NBAS: variants seen among roughly 807,000 people sequenced by gnomAD.
NBAS encodes the protein NBAS subunit of NRZ tethering complex.
Under a neutral mutation model 302.5 loss-of-function variants are expected in NBAS, and 219 were observed. The ratio of observed to expected loss-of-function variants is 0.72; its 90% confidence interval spans 0.65 to 0.81. The LOEUF (loss-of-function observed/expected upper bound fraction) is 0.81. NBAS is among the 30% of genes least tolerant of loss of function. The pLI is 0.00. For missense variants in NBAS, 2,932 were observed against 2,841.6 expected, an observed-to-expected ratio of 1.03 and a Z score of -0.72; for synonymous variants, 1,118 against 1,021.6, an observed-to-expected ratio of 1.09 and a Z score of -1.80.
At chr2:14,821,127 C>T in the NBAS span, among the ~76,000 whole-genome samples, 4 of 152,016 alleles carry the variant, frequency 2.6e-5, no homozygotes, top group Non-Finnish European at 5.9e-5. Flanking sequence ...GGGGTTTCAC[C>T]GTATTAGCCA....
the NBAS span, among the ~76,000 whole-genome samples, chr2:14,890,302 T>A: frequency 1.3e-5 from 2 of 152,206 alleles, no homozygotes; most frequent in Non-Finnish European, 2.9e-5. Context: ...TGGAATGTAT[T>A]ATGATGTAAG....
At chr2:14,920,865 A>G in the NBAS span, among the ~76,000 whole-genome samples, 1 of 151,262 alleles carries the variant, frequency 6.6e-6, no homozygotes, top group East Asian at 1.9e-4. Flanking sequence ...TATCCAGACC[A>G]CTAAAATTTT....
the NBAS span, among the ~76,000 whole-genome samples, chr2:15,095,354 G>A: frequency 6.6e-6 from 1 of 152,154 alleles, no homozygotes. Context: ...AAGGAGAAAG[G>A]CAGGCTTTAC....
At chr2:15,292,878 T>G (rs1558509339) in intron 40 of NBAS, 112 bp from the exon 41 acceptor site, 1 of 1,054,616 alleles carries the variant, frequency 9.5e-7, no homozygotes, top group Non-Finnish European at 1.4e-6. Context: ...CCCTGTACAC[T>G]ATTGCCATTT....
chr2:14,866,989 T>C, the NBAS span, among the ~76,000 whole-genome samples: 820 of 152,300 alleles, frequency 5.4e-3, 9 homozygotes, highest in African/African-American at 0.018. Flanking sequence ...CTGACTTTTT[T>C]AGTCACAGAA....
At chr2:14,836,150 T>C in the NBAS span, among the ~76,000 whole-genome samples, 1 of 152,078 alleles carries the variant, frequency 6.6e-6, no homozygotes, top group Admixed American at 6.6e-5. Flanking sequence ...TGGTCTATCT[T>C]TATCTTATTG....
chr2:15,005,355 T>C, the NBAS span, among the ~76,000 whole-genome samples: 242 of 152,356 alleles, frequency 1.6e-3, no homozygotes, highest in Non-Finnish European at 2.8e-3. Context: ...CTATTTTGCA[T>C]ACTCATATTT....
chr2:15,557,411 C>A (rs1664699056), intron 2 of NBAS, among the ~76,000 whole-genome samples: 2 of 151,982 alleles, frequency 1.3e-5, no homozygotes, highest in African/African-American at 2.4e-5. Context: ...AAATTTTTTT[C>A]TAATTTGTAG....
intron 51 of NBAS, among the ~76,000 whole-genome samples, chr2:15,175,330 G>A (rs552695788): frequency 2.0e-5 from 3 of 152,236 alleles, no homozygotes; most frequent in Admixed American, 6.5e-5. Flanking sequence ...ACAACCCCTG[G>A]GATGAGGGGT....
chr2:14,994,481 G>A, the NBAS span, among the ~76,000 whole-genome samples: 2 of 152,288 alleles, frequency 1.3e-5, no homozygotes, highest in South Asian at 2.1e-4. Context: ...GCCAGGGTGG[G>A]CTATGATAAT....
the NBAS span, among the ~76,000 whole-genome samples, chr2:14,874,092 T>C: frequency 6.6e-6 from 1 of 152,018 alleles, no homozygotes; most frequent in East Asian, 1.9e-4. Flanking sequence ...AAACTACTAA[T>C]ATAGAGAATG....
At chr2:14,817,525 T>C in the NBAS span, among the ~76,000 whole-genome samples, 1 of 152,204 alleles carries the variant, frequency 6.6e-6, no homozygotes, top group Non-Finnish European at 1.5e-5. Context: ...GCCTAGATTA[T>C]TGGCAACCCC....
intron 21 of NBAS, among the ~76,000 whole-genome samples, chr2:15,455,017 C>T (rs1054916741): frequency 2.0e-5 from 3 of 151,992 alleles, no homozygotes; most frequent in Non-Finnish European, 1.5e-5. Context: ...ATTCTCCTGC[C>T]TCAGCCTCCT....
intron 28 of NBAS, 33 bp downstream of exon 28, chr2:15,394,194 T>G: frequency 6.5e-7 from 1 of 1,543,656 alleles, no homozygotes; most frequent in Non-Finnish European, 8.7e-7. Flanking sequence ...TTAAAATTAA[T>G]TGACCCAAGT....
rs779242623 is a variant in NBAS at position 15,383,852 on chromosome 2, T to C, written c.3258-535A>G. 1.2e-3 allele frequency among the ~76,000 whole-genome samples: 188 copies of C among 152,248 alleles called. 1 individual carries two copies. Among genetic ancestry groups the C allele is most frequent in the South Asian group, 1.7e-3 (8 of 4,822 alleles). On this transcript the variant is annotated intron_variant, in intron 28 of 51. Coordinates refer to ENST00000281513, the MANE Select transcript of NBAS (RefSeq NM_015909.4). ...CAGCAGGGCAGCATCAGTTGCTTCT[T>C]ACAGTGAGACTACTGGCAGCAGTCC... is the stretch of plus-strand genomic sequence containing the variant.
the NBAS span, among the ~76,000 whole-genome samples, chr2:14,879,254 G>T: frequency 6.6e-6 from 1 of 152,100 alleles, no homozygotes; most frequent in South Asian, 2.1e-4. Flanking sequence ...ATATAAAGCT[G>T]CCATAAGCAT....
At position 15,249,177 on chromosome 2, in the gene NBAS, C is replaced by T. The variant is rs182939600; in HGVS notation, c.5725-10491G>A. Among the ~76,000 whole-genome samples the T allele has an allele frequency of 6.0e-3, 912 of 152,158 alleles. 8 individuals carry two copies. Among genetic ancestry groups the T allele is most frequent in the African/African-American group, 0.019 (789 of 41,474 alleles). On this transcript the variant is annotated intron_variant, in intron 44 of 51. Transcript: ENST00000281513. The stretch of plus-strand genomic sequence containing the variant: ...GGTTCAACATACTCAAATCAATAAA[C>T]GTAATCTATCACATAAACAGAACCA...
chr2:15,044,063 G>A, the NBAS span, among the ~76,000 whole-genome samples: 1 of 152,116 alleles, frequency 6.6e-6, no homozygotes, highest in Non-Finnish European at 1.5e-5. Context: ...TCATAGAAGA[G>A]AAAACAAATT....
chr2:15,056,636 C>T, the NBAS span, among the ~76,000 whole-genome samples: 2 of 152,104 alleles, frequency 1.3e-5, no homozygotes, highest in Non-Finnish European at 2.9e-5. Context: ...TGAACTTGAG[C>T]TAAGCTTTTG....
Sources: allele counts gnomAD v4.1 joint callset (sites outside exome capture counted in the v4.1 genomes callset), GRCh38; gene constraint gnomAD v4.1.1; transcripts MANE v1.5; gene names NCBI Gene and HGNC (gene_info 2026-07-23, HGNC 2026-07-21).